PDE8A: variants seen among roughly 807,000 people sequenced by gnomAD.
The protein encoded by PDE8A is phosphodiesterase 8A.
Under a neutral mutation model 105.0 loss-of-function variants are expected in PDE8A, and 59 were observed. That is an observed-to-expected ratio of 0.56 (90% confidence interval 0.46 to 0.70). The LOEUF (loss-of-function observed/expected upper bound fraction) is 0.70, where lower values mean the gene tolerates loss of function less well. Ranked by LOEUF, PDE8A falls within the 30% of genes least tolerant of loss-of-function variation. The pLI is 0.00. For synonymous variants in PDE8A, 355 were observed against 371.9 expected, an observed-to-expected ratio of 0.95 and a Z score of 0.52; for missense variants, 1,014 against 1,045.9, an observed-to-expected ratio of 0.97 and a Z score of 0.42.
intron 1 of PDE8A, among the ~76,000 whole-genome samples, chr15:85,021,978 T>G (rs1236666876): frequency 1.3e-5 from 2 of 152,248 alleles, no homozygotes; most frequent in South Asian, 4.1e-4. Context: ...CCAGGTTTCC[T>G]TAGTATTTTC....
At chr15:85,113,532 A>G in intron 13 of PDE8A, 85 bp downstream of exon 13, 1 of 1,158,804 alleles carries the variant, frequency 8.6e-7, no homozygotes, top group Non-Finnish European at 1.3e-6. Context: ...AGAAACAGGG[A>G]CCCGCAGTAA....
At chr15:85,005,641 A>C (rs981126018) in intron 1 of PDE8A, among the ~76,000 whole-genome samples, 1 of 152,170 alleles carries the variant, frequency 6.6e-6, no homozygotes, top group African/African-American at 2.4e-5. Flanking sequence ...GCACAATCAG[A>C]ATTCATTAGC....
At chr15:85,096,546 T>C (rs1261569591) in intron 8 of PDE8A, among the ~76,000 whole-genome samples, 1 of 152,232 alleles carries the variant, frequency 6.6e-6, no homozygotes, top group Non-Finnish European at 1.5e-5. Flanking sequence ...TTCCCCTTGA[T>C]AGTGAGCTTT....
intron 1 of PDE8A, among the ~76,000 whole-genome samples, chr15:85,040,370 TA>T (rs35955528): frequency 0.15 from 15,873 of 103,680 alleles, 1,142 homozygotes; most frequent in Middle Eastern, 0.3. Flanking sequence ...ACCTCTTCTC[TA>T]AAAAAAAAAA....
At chr15:85,040,774 T>C (rs1013360604) in intron 1 of PDE8A, among the ~76,000 whole-genome samples, 18 of 152,024 alleles carry the variant, frequency 1.2e-4, no homozygotes, top group Non-Finnish European at 2.6e-4. Context: ...TTAGCCAGGA[T>C]GGTCTCGATC....
chr15:85,014,026 G>C (rs1047777535), intron 1 of PDE8A, among the ~76,000 whole-genome samples: 5 of 152,198 alleles, frequency 3.3e-5, no homozygotes, highest in Non-Finnish European at 5.9e-5. Context: ...ACTACATATT[G>C]TCAGTTCCAC....
intron 1 of PDE8A, among the ~76,000 whole-genome samples, chr15:85,026,278 G>A (rs1312849330): frequency 6.6e-6 from 1 of 152,104 alleles, no homozygotes; most frequent in Non-Finnish European, 1.5e-5. Flanking sequence ...ATGATGGCTG[G>A]GGGTTGGGAT....
upstream of PDE8A, among the ~76,000 whole-genome samples, chr15:84,981,778 G>C (rs2079711698): frequency 6.6e-6 from 1 of 151,130 alleles, no homozygotes; most frequent in Non-Finnish European, 1.5e-5. Flanking sequence ...GGCGAGGGCA[G>C]CGTGGCTCGC....
intron 21 of PDE8A, among the ~76,000 whole-genome samples, chr15:85,136,880 G>A (rs960581778): frequency 2.6e-5 from 4 of 152,150 alleles, no homozygotes; most frequent in East Asian, 1.9e-4. Context: ...TATAGATGAC[G>A]GGATTGAACT....
rs945051946 is a variant in PDE8A, at chr15:85,040,140, TAAAGAAAAA to T, written c.187-24220_187-24212del. On this transcript the variant is annotated intron_variant, in intron 1 of 21. Coordinates refer to ENST00000394553, the MANE Select transcript of PDE8A (RefSeq NM_002605.3). ...TAAATATTTGGGGTGATGGATATGT[TAAAGAAAAA>T]AAAGAAAAAGAAGCTGAGTGTGATG... 1.4e-4 allele frequency among the ~76,000 whole-genome samples: 22 copies of T among 151,842 alleles called. No individual in the cohort carries two copies. The East Asian group carries it at 4.1e-3, about 28-fold the overall frequency.
At position 85,039,728 on chromosome 15, in the gene PDE8A, A is replaced by C. The variant is rs139197092; in HGVS notation, c.187-24642A>C. Among the ~76,000 whole-genome samples the C allele has an allele frequency of 8.9e-4, 136 of 152,350 alleles. 2 individuals are homozygous for C. Among genetic ancestry groups the C allele is most frequent in the Non-Finnish European group, 1.6e-3 (106 of 68,020 alleles). Reference sequence around the variant, plus strand: ...CAATCGATGTGCTGATCCACAGACAAATGGATTAAAAAATGCAATATATAC... The same window carrying C: ...CAATCGATGTGCTGATCCACAGACACATGGATTAAAAAATGCAATATATAC... On this transcript the variant is annotated intron_variant, in intron 1 of 21. Transcript: ENST00000394553.
intron 3 of PDE8A, among the ~76,000 whole-genome samples, chr15:85,073,497 G>A (rs970633436): frequency 6.6e-6 from 1 of 152,166 alleles, no homozygotes; most frequent in Non-Finnish European, 1.5e-5. Context: ...TGTGTCTCCA[G>A]ATAGGAGTAG....
intron 20 of PDE8A, among the ~76,000 whole-genome samples, chr15:85,128,356 T>C (rs1466243857): frequency 6.6e-6 from 1 of 152,086 alleles, no homozygotes; most frequent in Non-Finnish European, 1.5e-5. Context: ...AAAAATTTTT[T>C]TAATTAGTTG....
chr15:84,999,123 T>TTC, intron 1 of PDE8A, among the ~76,000 whole-genome samples: 1 of 147,982 alleles, frequency 6.8e-6, no homozygotes, highest in South Asian at 2.2e-4. Flanking sequence ...GTCACATTCT[T>TTC]TTTTTTTTTT....
At chr15:85,042,161 G>T (rs1314534165) in intron 1 of PDE8A, among the ~76,000 whole-genome samples, 1 of 151,932 alleles carries the variant, frequency 6.6e-6, no homozygotes, top group East Asian at 1.9e-4. Context: ...AGACTCAGAG[G>T]TTTGTTTTTT....
intron 20 of PDE8A, among the ~76,000 whole-genome samples, chr15:85,131,650 AT>A (rs2082331487): frequency 6.6e-6 from 1 of 152,254 alleles, no homozygotes; most frequent in Admixed American, 6.5e-5. Context: ...ACAAAACAAA[AT>A]TGTAATAATG....
At chr15:85,059,090 A>C (rs1366245223) in intron 1 of PDE8A, among the ~76,000 whole-genome samples, 1 of 152,046 alleles carries the variant, frequency 6.6e-6, no homozygotes, top group Non-Finnish European at 1.5e-5. Flanking sequence ...TTTTGTTTTC[A>C]TTCATCTCCA....
intron 15 of PDE8A, 186 bp from the exon 16 acceptor site, chr15:85,115,798 G>GGC: frequency 1.7e-6 from 1 of 573,790 alleles, no homozygotes; most frequent in South Asian, 2.2e-5. Flanking sequence ...GCAGGTGCCT[G>GGC]TAATCCCACT....
At chr15:85,020,744 T>G (rs2080411955) in intron 1 of PDE8A, among the ~76,000 whole-genome samples, 1 of 152,214 alleles carries the variant, frequency 6.6e-6, no homozygotes, top group African/African-American at 2.4e-5. Context: ...ACCATGGGCT[T>G]CTATTTATTG....
Sources: gnomAD v4.1 joint callset for allele counts (sites outside exome capture counted in the v4.1 genomes callset) on GRCh38, gnomAD v4.1.1 for gene constraint, MANE v1.5 for transcripts, NCBI Gene and HGNC (gene_info 2026-07-23, HGNC 2026-07-21) for gene names.